TRIM35: variants seen among roughly 807,000 people sequenced by gnomAD.
TRIM35 encodes E3 ubiquitin-protein ligase TRIM35.
In TRIM35, 37 loss-of-function variants were observed where a neutral mutation model predicts 49.1. That is an observed-to-expected ratio of 0.75 (90% CI 0.58 to 0.99). TRIM35 has a LOEUF of 0.99. Among genes scored for constraint, TRIM35 ranks in the 50% least tolerant of loss-of-function variants. The pLI is 0.00. For synonymous variants in TRIM35, 302 were observed against 289.3 expected (o/e 1.04, Z -0.45); for missense variants, 648 against 702.7 (o/e 0.92, Z 0.88).
At chr8:27,290,736 G>A (rs565367677) in intron 3 of TRIM35, among the ~76,000 whole-genome samples, 5 of 152,236 alleles carry the variant, frequency 3.3e-5, no homozygotes, top group African/African-American at 1.2e-4. Context: ...ATCCTAGCTG[G>A]CTTCTTTGCA....
chr8:27,303,174 A>G (rs1802713835), intron 1 of TRIM35, among the ~76,000 whole-genome samples: 1 of 152,212 alleles, frequency 6.6e-6, no homozygotes, highest in Non-Finnish European at 1.5e-5. Context: ...TCTCACTGAG[A>G]TAATTATATT....
At chr8:27,289,927 C>T (rs1232410939) in intron 4 of TRIM35, among the ~76,000 whole-genome samples, 1 of 152,154 alleles carries the variant, frequency 6.6e-6, no homozygotes, top group Non-Finnish European at 1.5e-5. Context: ...GGGGACCCTC[C>T]ACACTCAGGA....
chr8:27,303,591 C>A (rs1373827964), intron 1 of TRIM35, among the ~76,000 whole-genome samples: 2 of 152,192 alleles, frequency 1.3e-5, no homozygotes, highest in Non-Finnish European at 2.9e-5. Context: ...TAGCAGGGGC[C>A]CACAACAGAT....
At chr8:27,299,501 A>T (rs1434134663) in intron 1 of TRIM35, among the ~76,000 whole-genome samples, 1 of 152,168 alleles carries the variant, frequency 6.6e-6, no homozygotes, top group East Asian at 1.9e-4. Flanking sequence ...CCATTTATAG[A>T]TGAGAAAGTG....
chr8:27,309,281 G>A (rs1489649845), intron 1 of TRIM35, among the ~76,000 whole-genome samples: 1 of 152,150 alleles, frequency 6.6e-6, no homozygotes, highest in Admixed American at 6.5e-5. Context: ...CCAGACCCCT[G>A]GCTGGCCAGC....
At chr8:27,308,669 A>G (rs1044554658) in intron 1 of TRIM35, among the ~76,000 whole-genome samples, 39 of 152,356 alleles carry the variant, frequency 2.6e-4, no homozygotes, top group Non-Finnish European at 5.0e-4. Context: ...CACAACAGCC[A>G]TCAGTACCCA....
intron 3 of TRIM35, among the ~76,000 whole-genome samples, chr8:27,292,764 G>A (rs1338624988): frequency 3.3e-5 from 5 of 152,150 alleles, no homozygotes; most frequent in Admixed American, 6.5e-5. Flanking sequence ...TAAAATTGTC[G>A]TGATGGTTGC....
intron 2 of TRIM35, among the ~76,000 whole-genome samples, chr8:27,297,003 A>T (rs1158139205): frequency 6.6e-6 from 1 of 152,112 alleles, no homozygotes; most frequent in Non-Finnish European, 1.5e-5. Flanking sequence ...CTTTTTACAG[A>T]GGAGGGGATT....
chr8:27,306,279 C>T (rs919557428), intron 1 of TRIM35, among the ~76,000 whole-genome samples: 1 of 151,894 alleles, frequency 6.6e-6, no homozygotes, highest in African/African-American at 2.4e-5. Context: ...CTGACACATG[C>T]TTTCAGTTCA....
intron 5 of TRIM35, among the ~76,000 whole-genome samples, chr8:27,288,667 T>C (rs1802388973): frequency 6.6e-6 from 1 of 152,148 alleles, no homozygotes; most frequent in South Asian, 2.1e-4. Context: ...TTTTCTAGTT[T>C]GTGGTCCTTC....
chr8:27,309,488 C>T lies in TRIM35; in HGVS notation c.435+1313G>A, dbSNP rs185772256. ...ATGCATTTGGAGCGGAACAGACTTC[C>T]GTATTTAAAAAGGTATTGCAAAAAA... On this transcript the variant is annotated intron_variant, in intron 1 of 5. Coordinates refer to ENST00000305364, the MANE Select transcript of TRIM35 (RefSeq NM_171982.5). Among the ~76,000 whole-genome samples the T allele has an allele frequency of 2.7e-4, 41 of 152,198 alleles. 1 individual carries two copies. Among genetic ancestry groups the T allele is most frequent in the African/African-American group, 8.4e-4 (35 of 41,518 alleles).
In TRIM35 at chr8:27,287,498, G is replaced by T; in HGVS notation, c.*52C>A. ...CAAGCAGTGTGGGCATTAGGAAGAG[G>T]GCAGAAAGAAAACAGTGCTGTGGCA... On this transcript the variant is annotated 3_prime_UTR_variant, in exon 6 of 6. Coordinates refer to ENST00000305364, the MANE Select transcript of TRIM35 (RefSeq NM_171982.5). This position sits in a 1 kb window ranked among gnomAD's most constrained non-coding sequence, Gnocchi z 6.0. 6.7e-7 allele frequency: 1 copy of T among 1,483,292 alleles called. No individual in the cohort carries two copies. Among genetic ancestry groups the T allele is most frequent in the Non-Finnish European group, 9.0e-7 (1 of 1,111,812 alleles). 91.9% of individuals were successfully genotyped at this position (1,483,292 alleles called of 1,614,324 possible).
At chr8:27,308,219 C>A (rs1447039075) in intron 1 of TRIM35, among the ~76,000 whole-genome samples, 2 of 152,218 alleles carry the variant, frequency 1.3e-5, no homozygotes, top group Non-Finnish European at 2.9e-5. Flanking sequence ...CTATTTTAAA[C>A]CACCACATTT....
At chr8:27,298,263 C>T (rs938164196) in intron 2 of TRIM35, among the ~76,000 whole-genome samples, 4 of 152,178 alleles carry the variant, frequency 2.6e-5, no homozygotes, top group Admixed American at 1.3e-4. Flanking sequence ...GGCATGACCA[C>T]GCCTGGGTCT....
chr8:27,286,291 G>A lies in TRIM35; in HGVS notation c.*1259C>T, dbSNP rs1319557794. 1 of 417,972 alleles carries A rather than the reference G, an allele frequency of 2.4e-6. No homozygotes were observed. The highest frequency in any genetic ancestry group is 2.0e-5 in the African/African-American group (1 of 49,024). 25.9% of individuals were successfully genotyped at this position (417,972 alleles called of 1,614,324 possible). A position where few individuals can be genotyped will look rare whatever the true frequency, so the allele number is the denominator to read the frequency against. On this transcript the variant is annotated 3_prime_UTR_variant, in exon 6 of 6. Coordinates refer to ENST00000305364, the MANE Select transcript of TRIM35 (RefSeq NM_171982.5). ...AGAAATTAGGGATGAAATCGCAAGT[G>A]GCAGAGCAAGCATGACCAGGCTGAA...
rs751950379 is a variant in TRIM35, at chr8:27,288,110, G to A, written c.922C>T (p.Pro308Ser). The stretch of plus-strand genomic sequence containing the variant: ...GAGAGCCAGCCAGCTGCGGTGTTGG[G>A]GTCAAAGCTGAAGGGTACTGCAAGC... The part of the protein sequence containing the change: ...SVESVPFSFD[P>S]NTAAGWLSVS... Residue 308 changes from proline (P) to serine (S), a missense_variant, in exon 6 of 6, where the codon CCC (proline) becomes TCC (serine). Coordinates refer to ENST00000305364, the MANE Select transcript of TRIM35 (RefSeq NM_171982.5). 2.5e-6 allele frequency: 4 copies of A among 1,606,702 alleles called. No homozygotes were observed. Among genetic ancestry groups the A allele is most frequent in the Non-Finnish European group, 3.4e-6 (4 of 1,179,578 alleles).
chr8:27,310,736 G>A, intron 1 of TRIM35, 65 bp downstream of exon 1: 3 of 1,489,844 alleles, frequency 2.0e-6, no homozygotes, highest in South Asian at 1.3e-5. Flanking sequence ...GGCGGGAGCC[G>A]CAGAGCCAAG....
intron 3 of TRIM35, among the ~76,000 whole-genome samples, chr8:27,291,090 A>G (rs1382238714): frequency 6.7e-6 from 1 of 148,832 alleles, no homozygotes; most frequent in Non-Finnish European, 1.5e-5. Flanking sequence ...GTGAAGTTGG[A>G]CTAACCCTTA....
In TRIM35 at chr8:27,294,071, G is replaced by A. The variant is rs765236852; in HGVS notation, c.762+9C>T. Reference sequence around the variant, plus strand: ...CCCTGTCACTGAATCCAGACGCTGAGCTCCTTACCATGAGAAAAGAAACGT... The same window carrying A: ...CCCTGTCACTGAATCCAGACGCTGAACTCCTTACCATGAGAAAAGAAACGT... On this transcript the variant is annotated intron_variant, in intron 3 of 5. Transcript: ENST00000305364. 12 of 1,613,304 alleles carry A rather than the reference G, an allele frequency of 7.4e-6. No homozygotes were observed. In the Admixed American group the frequency reaches 2.0e-4, roughly 27 times the overall value.
Sources: gnomAD v4.1 joint callset for allele counts (sites outside exome capture counted in the v4.1 genomes callset) on GRCh38, gnomAD v4.1.1 for gene constraint, Gnocchi (gnomAD v3.1) non-coding constraint, MANE v1.5 for transcripts, NCBI Gene and HGNC (gene_info 2026-07-23, HGNC 2026-07-21) for gene names.